CHAF1A: variants seen among roughly 807,000 people sequenced by gnomAD.
CHAF1A encodes the protein chromatin assembly factor 1 subunit A.
CHAF1A carries 5 observed loss-of-function variants against 93.2 expected under a neutral mutation model. The ratio of observed to expected loss-of-function variants is 0.05; its 90% confidence interval spans 0.03 to 0.11. The LOEUF (loss-of-function observed/expected upper bound fraction) is 0.11, where lower values mean the gene tolerates loss of function less well. CHAF1A is among the 10% of genes least tolerant of loss of function. CHAF1A has a pLI of 1.00. For synonymous variants in CHAF1A, 504 were observed against 510.3 expected (o/e 0.99, Z 0.17); for missense variants, 1,102 against 1,259.9 (o/e 0.87, Z 1.90).
chr19:4,405,287 TAAAAC>T (rs1199183581), intron 1 of CHAF1A, among the ~76,000 whole-genome samples: 2 of 151,926 alleles, frequency 1.3e-5, no homozygotes, highest in African/African-American at 2.4e-5. Context: ...ACAAAGAAAA[TAAAAC>T]AAGACATGAC....
downstream of CHAF1A, chr19:4,446,594 C>T (rs762251151): frequency 9.9e-6 from 16 of 1,612,504 alleles, no homozygotes; most frequent in East Asian, 4.5e-5. Flanking sequence ...GGCTGGAAGA[C>T]GCGGCGCTGC....
At chr19:4,426,663 G>A (rs1352134625) in intron 7 of CHAF1A, among the ~76,000 whole-genome samples, 3 of 151,486 alleles carry the variant, frequency 2.0e-5, no homozygotes, top group Admixed American at 6.6e-5. Context: ...TAGTAGAGAC[G>A]GGGTTTTTCC....
chr19:4,446,436 G>A (rs748110180), downstream of CHAF1A: 77 of 1,579,116 alleles, frequency 4.9e-5, no homozygotes, highest in East Asian at 9.1e-5. Context: ...GCCAGGTCAC[G>A]AGGGCTGGCC....
intron 3 of CHAF1A, among the ~76,000 whole-genome samples, chr19:4,411,419 G>T (rs572024793): frequency 6.6e-6 from 1 of 151,934 alleles, no homozygotes; most frequent in African/African-American, 2.4e-5. Flanking sequence ...TAGTAGAGAC[G>T]GGGTTTTGCC....
chr19:4,448,529 C>T (rs1974588958), downstream of CHAF1A: 1 of 821,104 alleles, frequency 1.2e-6, no homozygotes, highest in Non-Finnish European at 2.0e-6. Context: ...TTGGAGCGGC[C>T]CCAGCTGTGC....
At chr19:4,445,464 G>A (rs377061785), downstream of CHAF1A, 3 of 1,613,052 alleles carry the variant, frequency 1.9e-6, no homozygotes, top group South Asian at 1.1e-5. Context: ...GCATGAGACA[G>A]ACCCACAGGG....
chr19:4,408,461 C>CTTTTTTTTTTT (rs778100682), intron 2 of CHAF1A, among the ~76,000 whole-genome samples: 1,017 of 36,018 alleles, frequency 0.028, 294 homozygotes, highest in East Asian at 0.056. Flanking sequence ...CGCACCCGGC[C>CTTTTTTTTTTT]TTTTTTTTTT....
rs374395064 is a variant in CHAF1A, at chr19:4,404,492, G to A, written c.53-1420G>A. ...AGGGGGTAGAAATCCATGGCTTTTG[G>A]TAAGTGGACACTTGAGAATGATACT... On this transcript the variant is annotated intron_variant, in intron 1 of 14. Coordinates refer to ENST00000301280, the MANE Select transcript of CHAF1A (RefSeq NM_005483.3). Among the ~76,000 whole-genome samples, 10 of 152,162 alleles carry A rather than the reference G, an allele frequency of 6.6e-5. No homozygotes were observed. The East Asian group carries it at 9.6e-4, about 15-fold the overall frequency.
At chr19:4,403,328 C>T (rs975125217) in intron 1 of CHAF1A, among the ~76,000 whole-genome samples, 1 of 152,176 alleles carries the variant, frequency 6.6e-6, no homozygotes, top group Non-Finnish European at 1.5e-5. Flanking sequence ...CTTGCTCCTT[C>T]CTGATATGCA....
chr19:4,419,403 G>C (rs914032771), intron 4 of CHAF1A, among the ~76,000 whole-genome samples: 2 of 151,628 alleles, frequency 1.3e-5, no homozygotes, highest in African/African-American at 4.8e-5. Context: ...CTGAGTTTTT[G>C]TGTTTCAGAT....
Position 4,408,770 on chromosome 19 carries a change from G to A in CHAF1A, c.104-133G>A, listed in dbSNP as rs142223302. 5.4e-4 allele frequency: 625 copies of A among 1,160,714 alleles called. 2 individuals are homozygous for A. In the African/African-American group the frequency reaches 8.0e-3, roughly 15 times the overall value. The allele number at this position is 1,160,714 out of a possible 1,614,324, so 71.9% of individuals were successfully genotyped here. On this transcript the variant is annotated intron_variant, in intron 2 of 14. Transcript: ENST00000301280. ...ATTACAGGCATGAGCCACCACACCCGGCCCAGATAGTCCCTTTTTAAACTT... is the reference window on the plus strand; with the variant it reads ...ATTACAGGCATGAGCCACCACACCCAGCCCAGATAGTCCCTTTTTAAACTT...
intron 3 of CHAF1A, among the ~76,000 whole-genome samples, 153 bp from the exon 4 acceptor site, chr19:4,417,867 A>T (rs946409174): frequency 2.6e-5 from 4 of 152,098 alleles, no homozygotes; most frequent in East Asian, 1.9e-4. Flanking sequence ...CTAATCCCAG[A>T]TACACACATG....
At chr19:4,415,466 G>C (rs1055687418) in intron 3 of CHAF1A, among the ~76,000 whole-genome samples, 1 of 152,192 alleles carries the variant, frequency 6.6e-6, no homozygotes, top group Non-Finnish European at 1.5e-5. Flanking sequence ...GCCACCCCAA[G>C]ACCACATTCC....
chr19:4,445,813 C>T, downstream of CHAF1A: 1 of 1,082,434 alleles, frequency 9.2e-7, no homozygotes, highest in East Asian at 2.6e-5. Context: ...AAACCTACTG[C>T]ACTAGCTAAC....
In CHAF1A at chr19:4,409,142, G is replaced by A. The variant is rs754186708; in HGVS notation, c.343G>A (p.Val115Ile). 45 of 1,614,082 alleles carry A rather than the reference G, an allele frequency of 2.8e-5. No individual in the cohort carries two copies. The highest frequency in any genetic ancestry group is 6.7e-5 in the East Asian group (3 of 44,890). Residue 115 changes from valine to isoleucine, a missense_variant, in exon 3 of 15, where the codon GTC becomes ATC. Val to Ile is a conservative substitution (Grantham distance 29). Around this residue, in one of 6 missense-constraint regions of CHAF1A, gnomAD observed 379 missense variants for 365.7 expected, o/e 1.04. Transcript: ENST00000301280. The part of the protein sequence containing the change: ...RIETSIGQST[V>I]IIDLTEDSNE... ...CGAAACCAGTATTGGCCAGAGCACA[G>A]TCATCATTGATTTGACAGAGGACTC...
At chr19:4,425,310 G>A (rs1974062246) in intron 7 of CHAF1A, among the ~76,000 whole-genome samples, 2 of 152,040 alleles carry the variant, frequency 1.3e-5, no homozygotes, top group African/African-American at 4.8e-5. Flanking sequence ...GAGAGCAGTG[G>A]CGCTATCTCT....
Position 4,443,365 on chromosome 19 carries a change from G to A in CHAF1A, c.*340G>A, listed in dbSNP as rs534675049. The A allele has an allele frequency of 2.3e-4, 71 of 315,262 alleles. No individual in the cohort carries two copies. The highest frequency in any genetic ancestry group is 1.5e-3 in the African/African-American group (68 of 45,840). The allele number at this position is 315,262 out of a possible 1,614,324, so 19.5% of individuals were successfully genotyped here. A position where few individuals can be genotyped will look rare whatever the true frequency, so the allele number is the denominator to read the frequency against. On this transcript the variant is annotated 3_prime_UTR_variant, in exon 15 of 15. Transcript: ENST00000301280. ...ACGTGCGCGGGCCCCTGGACCTAAC[G>A]AGGCAGTGTATAAACTTATTCTCTA...
In CHAF1A at chr19:4,413,404, G is replaced by A. The variant is rs140335361; in HGVS notation, c.960+3645G>A. Among the ~76,000 whole-genome samples the A allele has an allele frequency of 1.2e-3, 190 of 152,170 alleles. 1 individual carries two copies. The highest frequency in any genetic ancestry group is 4.4e-3 in the African/African-American group (181 of 41,516). On this transcript the variant is annotated intron_variant, in intron 3 of 14. Transcript: ENST00000301280. ...CTAACTCTTAACACCTTTCCTTGCC[G>A]TGACGTCCAAGCCACCCCCTTCCCA... is the stretch of plus-strand genomic sequence containing the variant.
chr19:4,418,409 C>CTTTTT (rs10549561), intron 4 of CHAF1A, among the ~76,000 whole-genome samples: 8 of 107,056 alleles, frequency 7.5e-5, no homozygotes, highest in Non-Finnish European at 1.1e-4. Context: ...AGTCCTGTCT[C>CTTTTT]TTTTTTTTTT....
Sources: allele counts gnomAD v4.1 joint callset (sites outside exome capture counted in the v4.1 genomes callset), GRCh38; gene constraint gnomAD v4.1.1; regional missense constraint gnomAD v4.1.1; transcripts MANE v1.5; gene names NCBI Gene and HGNC (gene_info 2026-07-23, HGNC 2026-07-21).